Variants in TTC28 observed in about 807,000 individuals in gnomAD.
TTC28 encodes tetratricopeptide repeat domain 28, also known as tetratricopeptide repeat protein 28.
TTC28 carries 61 observed loss-of-function variants against 198.0 expected under a neutral mutation model. The observed-to-expected ratio is 0.31, with a 90% CI of 0.25 to 0.38. TTC28 has a LOEUF of 0.38. Among genes scored for constraint, TTC28 ranks in the 10% least tolerant of loss-of-function variants. TTC28 has a pLI of 1.00. For synonymous variants in TTC28, 1,171 were observed against 1,297.8 expected (o/e 0.90, Z 2.10); for missense variants, 2,678 against 3,164.0 (o/e 0.85, Z 3.69).
At chr22:28,083,806 C>T (rs1388307494) in intron 12 of TTC28, among the ~76,000 whole-genome samples, 1 of 152,166 alleles carries the variant, frequency 6.6e-6, no homozygotes, top group Non-Finnish European at 1.5e-5. Flanking sequence ...TCGGGTCACT[C>T]CCACCCTCAT....
chr22:28,244,644 C>T (rs1929946792), intron 5 of TTC28, among the ~76,000 whole-genome samples: 1 of 152,188 alleles, frequency 6.6e-6, no homozygotes, highest in Non-Finnish European at 1.5e-5. Context: ...TTCTCTTCCT[C>T]GAGTACTAAA....
chr22:28,100,556 T>A (rs1942111745), intron 9 of TTC28, among the ~76,000 whole-genome samples: 1 of 152,188 alleles, frequency 6.6e-6, no homozygotes, highest in Admixed American at 6.5e-5. Context: ...TCTCTTCAAC[T>A]CTTGTGAGCA....
intron 5 of TTC28, among the ~76,000 whole-genome samples, chr22:28,248,155 A>G (rs1930244545): frequency 6.6e-6 from 1 of 152,212 alleles, no homozygotes; most frequent in Non-Finnish European, 1.5e-5. Context: ...CTGGGGACAG[A>G]GAGGGGTCTG....
chr22:28,315,858 C>G (rs1255488117), intron 2 of TTC28, among the ~76,000 whole-genome samples: 2 of 152,098 alleles, frequency 1.3e-5, no homozygotes, highest in African/African-American at 4.8e-5. Flanking sequence ...AATGAAGGAG[C>G]AGGGACACAA....
At chr22:28,021,412 C>T (rs1938590601) in intron 13 of TTC28, among the ~76,000 whole-genome samples, 1 of 152,100 alleles carries the variant, frequency 6.6e-6, no homozygotes. Context: ...AAGGGTACCA[C>T]CTGAGGAACG....
chr22:28,570,898 G>A (rs2146025637), intron 2 of TTC28, among the ~76,000 whole-genome samples: 1 of 152,270 alleles, frequency 6.6e-6, no homozygotes. Flanking sequence ...CACTACAGAG[G>A]AGTGTGGGAA....
chr22:28,280,933 T>C (rs977597003), intron 5 of TTC28, among the ~76,000 whole-genome samples: 1 of 152,120 alleles, frequency 6.6e-6, no homozygotes, highest in Non-Finnish European at 1.5e-5. Flanking sequence ...TCTTCTGGTC[T>C]CCATTATTTC....
At chr22:28,078,359 C>T (rs115357681) in intron 12 of TTC28, among the ~76,000 whole-genome samples, 4 of 152,078 alleles carry the variant, frequency 2.6e-5, no homozygotes, top group South Asian at 2.1e-4. Flanking sequence ...AGTCTGCTTA[C>T]GGCACAACTT....
intron 2 of TTC28, among the ~76,000 whole-genome samples, chr22:28,414,613 C>T (rs2047140217): frequency 6.6e-6 from 1 of 152,138 alleles, no homozygotes; most frequent in Non-Finnish European, 1.5e-5. Context: ...ATCTCAAAAC[C>T]ATAATTTTCT....
At chr22:28,565,615 C>T (rs1016188016) in intron 2 of TTC28, among the ~76,000 whole-genome samples, 4 of 152,098 alleles carry the variant, frequency 2.6e-5, no homozygotes, top group African/African-American at 9.7e-5. Context: ...GATTACATTT[C>T]ACAAATCATA....
At chr22:28,461,654 C>T (rs2047952397) in intron 2 of TTC28, among the ~76,000 whole-genome samples, 1 of 152,114 alleles carries the variant, frequency 6.6e-6, no homozygotes, top group Admixed American at 6.6e-5. Flanking sequence ...GTCTCGAACT[C>T]CTGACCTCAA....
chr22:28,412,416 A>G (rs2047095673), intron 2 of TTC28, among the ~76,000 whole-genome samples: 1 of 152,166 alleles, frequency 6.6e-6, no homozygotes, highest in Non-Finnish European at 1.5e-5. Context: ...CAAGTTTGGA[A>G]AATGTCTATT....
chr22:28,115,756 C>G (rs993065210), intron 6 of TTC28, among the ~76,000 whole-genome samples: 1 of 152,220 alleles, frequency 6.6e-6, no homozygotes, highest in Non-Finnish European at 1.5e-5. Context: ...AGTGAAGTTA[C>G]GAGCCTGTTA....
chr22:28,095,102 T>C (rs1941934528), intron 11 of TTC28, among the ~76,000 whole-genome samples: 1 of 152,050 alleles, frequency 6.6e-6, no homozygotes, highest in Admixed American at 6.6e-5. Flanking sequence ...TCATCAACTG[T>C]GTCCTCACGA....
intron 2 of TTC28, among the ~76,000 whole-genome samples, chr22:28,531,486 A>G (rs1601523765): frequency 6.6e-6 from 1 of 152,336 alleles, no homozygotes; most frequent in Admixed American, 6.5e-5. Context: ...CACTGTCAAC[A>G]TTAAACAGAT....
At chr22:28,105,877 G>T in intron 7 of TTC28, 75 bp from the exon 8 acceptor site, 1 of 1,446,062 alleles carries the variant, frequency 6.9e-7, no homozygotes, top group South Asian at 1.5e-5. Context: ...CTGAGAAAAT[G>T]AAAAGCATTT....
chr22:28,379,705 A>G (rs1240341506), intron 2 of TTC28, among the ~76,000 whole-genome samples: 1 of 152,190 alleles, frequency 6.6e-6, no homozygotes. Context: ...GTTGCACAAC[A>G]ATGTGAATAC....
At chr22:28,080,483 CTT>C (rs1412523144) in intron 12 of TTC28, among the ~76,000 whole-genome samples, 5 of 152,150 alleles carry the variant, frequency 3.3e-5, no homozygotes, top group Non-Finnish European at 5.9e-5. Flanking sequence ...TTGTTTACCT[CTT>C]TGAAGAAATG....
At position 28,107,212 on chromosome 22, in the gene TTC28, C is replaced by T. The variant is rs375124065; in HGVS notation, c.2633G>A (p.Arg878Gln). The T allele has an allele frequency of 1.6e-4, 242 of 1,551,658 alleles. 1 individual carries two copies. The East Asian group carries it at 4.0e-3, about 26-fold the overall frequency. Reference protein sequence around the residue: ...SGNESVLDRGRAYGNLGDCYE... With the variant: ...SGNESVLDRGQAYGNLGDCYE... The stretch of plus-strand genomic sequence containing the variant: ...GCAATCCCCCAGGTTGCCATAGGCC[C>T]GGCCCCTGTCGAGCACAGACTCATT... Residue 878 changes from arginine (R) to glutamine (Q), a missense_variant, in exon 7 of 23, where the codon CGG (arginine) becomes CAG (glutamine). Arg to Gln is a conservative substitution (Grantham distance 43). Coordinates refer to ENST00000397906, the MANE Select transcript of TTC28 (RefSeq NM_001145418.2).
Sources: allele counts gnomAD v4.1 joint callset (sites outside exome capture counted in the v4.1 genomes callset), GRCh38; gene constraint gnomAD v4.1.1; transcripts MANE v1.5; gene names NCBI Gene and HGNC (gene_info 2026-07-23, HGNC 2026-07-21).